SCN1A: variants seen among roughly 807,000 people sequenced by gnomAD.
SCN1A encodes sodium voltage-gated channel alpha subunit 1, also known as sodium channel protein type 1 subunit alpha.
A neutral mutation model predicts 193.7 loss-of-function variants in SCN1A; 13 were observed. That is an observed-to-expected ratio of 0.07 (90% CI 0.04 to 0.11). SCN1A has a LOEUF of 0.11. SCN1A is among the 10% of genes least tolerant of loss of function. The probability of loss-of-function intolerance (pLI) is 1.00; values close to 1 mark genes in which losing one functional copy is unlikely to be tolerated. For missense variants in SCN1A, 1,432 were observed against 2,451.1 expected, an observed-to-expected ratio of 0.58 and a Z score of 8.78; for synonymous variants, 781 against 843.6, an observed-to-expected ratio of 0.93 and a Z score of 1.29.
intron 13 of SCN1A, 81 bp downstream of exon 13, chr2:166,044,962 C>G: frequency 6.8e-7 from 1 of 1,463,230 alleles, no homozygotes; most frequent in Admixed American, 1.7e-5. Flanking sequence ...ATAAAAATTC[C>G]TGAGTCCATT....
At chr2:166,093,968 A>G (rs185481903) in intron 2 of SCN1A, among the ~76,000 whole-genome samples, 1 of 152,298 alleles carries the variant, frequency 6.6e-6, no homozygotes, top group African/African-American at 2.4e-5. Context: ...TATGACCCCA[A>G]TATGTTTTCA....
At chr2:166,112,638 A>G (rs1284165292) in intron 2 of SCN1A, among the ~76,000 whole-genome samples, 2 of 152,130 alleles carry the variant, frequency 1.3e-5, no homozygotes, top group Non-Finnish European at 2.9e-5. Context: ...TGATAGCAGC[A>G]TCTTTCTTAT....
chr2:166,096,772 G>A (rs1486575695), intron 2 of SCN1A, among the ~76,000 whole-genome samples: 2 of 152,020 alleles, frequency 1.3e-5, no homozygotes, highest in Non-Finnish European at 2.9e-5. Flanking sequence ...GCTATTCTAG[G>A]TGACTATTAA....
At chr2:166,100,372 T>C (rs1443093264) in intron 2 of SCN1A, among the ~76,000 whole-genome samples, 2 of 143,706 alleles carry the variant, frequency 1.4e-5, no homozygotes, top group Non-Finnish European at 3.1e-5. Flanking sequence ...TCAAGATGGA[T>C]TAAAGATTTA....
chr2:165,985,692 G>A (rs1464067454), downstream of SCN1A: 1 of 152,072 alleles, frequency 6.6e-6, no homozygotes, highest in Non-Finnish European at 1.5e-5. Flanking sequence ...ATACTTGATT[G>A]TCTAGAGTAT....
chr2:166,054,581 A>T (rs1698929921), intron 7 of SCN1A, 57 bp downstream of exon 7: 2 of 1,561,362 alleles, frequency 1.3e-6, no homozygotes, highest in African/African-American at 2.7e-5. Flanking sequence ...TAAAAGCATA[A>T]GCACTGATGG....
chr2:165,987,343 A>C lies in SCN1A; in HGVS notation c.*3902T>G, dbSNP rs80085609. The C allele has an allele frequency of 4.7e-4, 72 of 152,272 alleles. No homozygotes were observed. The highest frequency in any genetic ancestry group is 1.6e-3 in the African/African-American group (68 of 41,560). The allele number at this position is 152,272 out of a possible 1,614,324, so 9.4% of individuals were successfully genotyped here. On this transcript the variant is annotated 3_prime_UTR_variant, in exon 29 of 29. Transcript: ENST00000674923. ...TCCAAAGTATACTTTCTTCTGTTTA[A>C]ATTTTCTACTTAATAGAGAAGAGAT...
chr2:166,119,665 A>G (rs902587660), intron 2 of SCN1A, among the ~76,000 whole-genome samples: 6 of 152,168 alleles, frequency 3.9e-5, no homozygotes, highest in Admixed American at 6.5e-5. Flanking sequence ...GTCTAATTTT[A>G]TATTAGACCG....
intron 19 of SCN1A, among the ~76,000 whole-genome samples, chr2:166,017,347 C>T (rs1693440543): frequency 6.6e-6 from 1 of 151,862 alleles, no homozygotes; most frequent in Non-Finnish European, 1.5e-5. Context: ...TAAAACATAT[C>T]CAGGAATAAG....
intron 2 of SCN1A, among the ~76,000 whole-genome samples, chr2:166,099,907 G>A (rs199516738): frequency 4.1e-3 from 376 of 92,492 alleles, no homozygotes; most frequent in Middle Eastern, 0.019. Context: ...TGGGTGGGAA[G>A]AATCAATATC....
intron 19 of SCN1A, among the ~76,000 whole-genome samples, chr2:166,029,789 C>T (rs150713709): frequency 6.6e-6 from 1 of 152,062 alleles, no homozygotes; most frequent in African/African-American, 2.4e-5. Context: ...CATAGAAGTT[C>T]TTCCTAATGA....
intron 1 of SCN1A, among the ~76,000 whole-genome samples, chr2:166,138,840 T>C (rs867722689): frequency 1.3e-5 from 2 of 152,232 alleles, no homozygotes; most frequent in South Asian, 4.1e-4. Flanking sequence ...AATGCCAGCC[T>C]GTGAAAGCAA....
rs1234230513 is a variant in SCN1A, at chr2:165,987,193, T to C, written c.*4052A>G. 1 of 152,088 alleles carries C rather than the reference T, an allele frequency of 6.6e-6. No homozygotes were observed. Among genetic ancestry groups the C allele is most frequent in the Admixed American group, 6.6e-5 (1 of 15,258 alleles). The allele number at this position is 152,088 out of a possible 1,614,324, so 9.4% of individuals were successfully genotyped here. A position where few individuals can be genotyped will look rare whatever the true frequency, so the allele number is the denominator to read the frequency against. ...GATTTTCCTTGTAGTTAGATTCTGG[T>C]TTTAAAATTTTGACTGTGTACCAAG... On this transcript the variant is annotated 3_prime_UTR_variant, in exon 29 of 29. Transcript: ENST00000674923.
rs1225581069 is a variant in SCN1A, at chr2:166,047,772, C to A, written c.1029-4G>T. On this transcript the variant is annotated splice_region_variant and splice_polypyrimidine_tract_variant and intron_variant, in intron 10 of 28. Transcript: ENST00000674923. ...CATATATCCCTCTGGACATTGGCTG[C>A]AAGTGGGGTAAAAGAAAGTATTACA... 1 of 1,613,330 alleles carries A rather than the reference C, an allele frequency of 6.2e-7. No individual in the cohort carries two copies. The highest frequency in any genetic ancestry group is 1.1e-5 in the South Asian group (1 of 91,070).
intron 2 of SCN1A, among the ~76,000 whole-genome samples, chr2:166,123,223 C>CAAAAAAAAAAAAAAAAA (rs57488795): frequency 5.2e-5 from 6 of 116,398 alleles, no homozygotes; most frequent in East Asian, 2.5e-4. Flanking sequence ...CATTCATTTG[C>CAAAAAAAAAAAAAAAAA]AAAAAAAAAA....
Position 165,991,984 on chromosome 2 carries a change from A to T in SCN1A, c.5291T>A (p.Phe1764Tyr), listed in dbSNP as rs796053037. ...TATGATGATGTAACTGACAAAAAAG[A>T]AAATTCCAACAGATGGGTTCCCACA... ...GDCGNPSVGI[F>Y]FFVSYIIISF... Residue 1764 changes from phenylalanine to tyrosine, a missense_variant, in exon 29 of 29, where the codon TTC becomes TAC. By Grantham distance (22) the Phe-to-Tyr change is conservative. Around this residue, in one of 18 missense-constraint regions of SCN1A, gnomAD observed 6 missense variants for 48.3 expected, o/e 0.12. Transcript: ENST00000674923. 1.2e-6 allele frequency: 2 copies of T among 1,613,860 alleles called. No individual in the cohort carries two copies. The highest frequency in any genetic ancestry group is 3.3e-5 in the Admixed American group (2 of 59,960).
At chr2:166,021,695 GAGAAAGTCT>G (rs1559163766) in intron 19 of SCN1A, among the ~76,000 whole-genome samples, 4 of 152,054 alleles carry the variant, frequency 2.6e-5, no homozygotes, top group African/African-American at 9.7e-5. Flanking sequence ...TTAGAACTTA[GAGAAAGTCT>G]ATCATCTGCA....
downstream of SCN1A, chr2:165,985,338 G>A (rs1185245737): frequency 6.6e-6 from 1 of 150,546 alleles, no homozygotes; most frequent in African/African-American, 2.4e-5. Context: ...AAAGGTAGGA[G>A]GGGGAGGTAA....
chr2:166,097,377 C>T (rs927888040), intron 2 of SCN1A, among the ~76,000 whole-genome samples: 16 of 152,104 alleles, frequency 1.1e-4, no homozygotes, highest in African/African-American at 3.9e-4. Flanking sequence ...AAGGGGAAAC[C>T]TATTAATAGT....
Sources: gnomAD v4.1 joint callset for allele counts (sites outside exome capture counted in the v4.1 genomes callset) on GRCh38, gnomAD v4.1.1 for gene constraint, gnomAD v4.1.1 regional missense constraint, MANE v1.5 for transcripts, NCBI Gene and HGNC (gene_info 2026-07-23, HGNC 2026-07-21) for gene names.